Variants in DCST1 observed in about 807,000 individuals in gnomAD.
DCST1 encodes DC-STAMP domain containing 1, also known as E3 ubiquitin-protein ligase DCST1.
Under a neutral mutation model 89.1 loss-of-function variants are expected in DCST1, and 78 were observed. The observed-to-expected ratio is 0.88, with a 90% confidence interval of 0.73 to 1.06. The LOEUF is 1.06. DCST1 is among the 50% of genes least tolerant of loss of function. The pLI is 0.00. For missense variants in DCST1, 900 were observed against 928.6 expected (o/e 0.97, Z 0.40); for synonymous variants, 364 against 371.9 (o/e 0.98, Z 0.24).
intron 16 of DCST1, 58 bp downstream of exon 16, chr1:155,048,228 A>C (rs1283000143): frequency 2.1e-6 from 3 of 1,412,604 alleles, no homozygotes; most frequent in Non-Finnish European, 3.0e-6. Flanking sequence ...TACAGCAGGC[A>C]AGGGGCAGCT....
chr1:155,048,161 G>A lies in DCST1; in HGVS notation c.1860G>A (p.Gln620=). 2 of 1,613,876 alleles carry A rather than the reference G, an allele frequency of 1.2e-6. No individual in the cohort carries two copies. Among genetic ancestry groups the A allele is most frequent in the South Asian group, 1.1e-5 (1 of 91,052 alleles). Residue 620 remains glutamine, a synonymous_variant, in exon 16 of 17, where the codon CAG becomes CAA. Transcript: ENST00000295542. ...RAAILRRERQ[Q]KAPRHPLADI... ...CTATCCTGAGGCGGGAGCGACAGCA[G>A]AAGGCTCCGGTAAGTCCAGGCGTAA...
intron 16 of DCST1, chr1:155,048,876 G>A (rs1660751663): frequency 4.8e-6 from 3 of 622,264 alleles, no homozygotes; most frequent in South Asian, 3.8e-5. Flanking sequence ...GACAGGAGGA[G>A]GCAGGTGGGC....
Position 155,042,808 on chromosome 1 carries a change from G to C in DCST1, c.966G>C (p.Gln322His), listed in dbSNP as rs754218298. The change falls in exon 9 of 17, where the codon CAG (glutamine) becomes CAC (histidine). Residue 322 changes from glutamine (Q) to histidine (H), a missense_variant. Gln to His is a conservative substitution (Grantham distance 24). Transcript: ENST00000295542. ...NFGQTYDSLN[Q>H]SIRGLDGEFS... ...GGCAGACCTACGACTCCCTCAACCA[G>C]TCTATTCGTGGCCTGGATGGGGAAT... 144 of 1,614,100 alleles carry C rather than the reference G, an allele frequency of 8.9e-5. No homozygotes were observed. Among genetic ancestry groups the C allele is most frequent in the Admixed American group, 3.7e-4 (22 of 60,012 alleles).
intron 16 of DCST1, 113 bp downstream of exon 16, chr1:155,048,283 G>C: frequency 1.2e-6 from 1 of 808,722 alleles, no homozygotes; most frequent in South Asian, 1.5e-5. Flanking sequence ...AGGCCTACTC[G>C]AGCCTGGTAA....
intron 15 of DCST1, 26 bp downstream of exon 15, chr1:155,047,955 C>T: frequency 6.2e-7 from 1 of 1,613,834 alleles, no homozygotes; most frequent in Admixed American, 1.7e-5. Context: ...GACCTCTCCA[C>T]CCCTACACAC....
chr1:155,046,799 TTTCACCATG>T (rs1291899794), intron 13 of DCST1, among the ~76,000 whole-genome samples: 4 of 151,846 alleles, frequency 2.6e-5, no homozygotes, highest in African/African-American at 9.7e-5. Context: ...AGAGACAGAG[TTTCACCATG>T]TTGGTCAGGC....
intron 4 of DCST1, among the ~76,000 whole-genome samples, chr1:155,037,139 A>G (rs1026940463): frequency 1.1e-4 from 17 of 152,132 alleles, no homozygotes; most frequent in African/African-American, 3.9e-4. Flanking sequence ...TTGTGTGCCA[A>G]CATCGTCCAG....
chr1:155,041,209 T>TG (rs979756004), intron 6 of DCST1, among the ~76,000 whole-genome samples, 188 bp from the exon 7 acceptor site: 8 of 151,458 alleles, frequency 5.3e-5, no homozygotes, highest in Admixed American at 1.3e-4. Flanking sequence ...AGGCAGCTGG[T>TG]GGGGGGGCTC....
At chr1:155,042,589 G>C in intron 8 of DCST1, 146 bp from the exon 9 acceptor site, 1 of 1,057,858 alleles carries the variant, frequency 9.5e-7, no homozygotes, top group East Asian at 2.5e-5. Flanking sequence ...AGCAGAGAGG[G>C]GAAGACTCAG....
At chr1:155,035,489 G>A (rs932729890) in intron 4 of DCST1, among the ~76,000 whole-genome samples, 2 of 152,128 alleles carry the variant, frequency 1.3e-5, no homozygotes, top group African/African-American at 4.8e-5. Flanking sequence ...CAGCTCAGTA[G>A]CTTCGAGAAG....
chr1:155,034,567 G>A lies in DCST1; in HGVS notation c.187+7G>A. The A allele has an allele frequency of 6.2e-7, 1 of 1,613,928 alleles. No individual in the cohort carries two copies. On this transcript the variant is annotated splice_region_variant and intron_variant, in intron 3 of 16. Transcript: ENST00000295542. ...GGGGGGCTCCTGGCCATAGGTGAGT[G>A]TGGAAGCAGAAAGTTCGGGGTGGGC... is the stretch of plus-strand genomic sequence containing the variant.
At position 155,046,231 on chromosome 1, in the gene DCST1, C is replaced by A. The variant is rs1660620498; in HGVS notation, c.1368+11C>A. 1.9e-6 allele frequency: 3 copies of A among 1,614,072 alleles called. No individual in the cohort carries two copies. The highest frequency in any genetic ancestry group is 1.7e-5 in the Admixed American group (1 of 60,004). On this transcript the variant is annotated intron_variant, in intron 12 of 16. Coordinates refer to ENST00000295542, the MANE Select transcript of DCST1 (RefSeq NM_152494.4). The stretch of plus-strand genomic sequence containing the variant: ...GAAATGAGCAATGTGGTGAGGACAG[C>A]ATGGGGAGCGGACTCCTGGGTGCAA...
rs763149093 is a variant in DCST1, at chr1:155,047,948, C to T, written c.1755+19C>T. 2 of 1,613,886 alleles carry T rather than the reference C, an allele frequency of 1.2e-6. No individual in the cohort carries two copies. Among genetic ancestry groups the T allele is most frequent in the Non-Finnish European group, 1.7e-6 (2 of 1,179,918 alleles). On this transcript the variant is annotated intron_variant, in intron 15 of 16. Transcript: ENST00000295542. ...CCCCAAGGTTTGCCCCTCCCCAGAC[C>T]TCTCCACCCCTACACACCTGCACAC...
At position 155,046,456 on chromosome 1, in the gene DCST1, C is replaced by T; in HGVS notation, c.1465C>T (p.His489Tyr). ...CTACTCCATCTTCGACACCATCCGC[C>T]ACCACTCCTTCCTGCAGTACTCCTT... The part of the protein sequence containing the change: ...ALYSIFDTIR[H>Y]HSFLQYSFRS... Residue 489 changes from histidine to tyrosine, a missense_variant, in exon 13 of 17, where the codon CAC (histidine) becomes TAC (tyrosine). Coordinates refer to ENST00000295542, the MANE Select transcript of DCST1 (RefSeq NM_152494.4). The T allele has an allele frequency of 6.2e-7, 1 of 1,614,094 alleles. No individual in the cohort carries two copies. Among genetic ancestry groups the T allele is most frequent in the East Asian group, 2.2e-5 (1 of 44,886 alleles).
chr1:155,042,815 C>G lies in DCST1; in HGVS notation c.973C>G (p.Arg325Gly), dbSNP rs748373788. 6.2e-7 allele frequency: 1 copy of G among 1,614,152 alleles called. No homozygotes were observed. The highest frequency in any genetic ancestry group is 2.2e-5 in the East Asian group (1 of 44,878). The change falls in exon 9 of 17, where the codon CGT becomes GGT. Residue 325 changes from arginine to glycine, a missense_variant. Physicochemically the swap from Arg to Gly is moderately radical, Grantham distance 125. Coordinates refer to ENST00000295542, the MANE Select transcript of DCST1 (RefSeq NM_152494.4). ...QTYDSLNQSI[R>G]GLDGEFSANI... ...CTACGACTCCCTCAACCAGTCTATT[C>G]GTGGCCTGGATGGGGAATTTTCAGC...
In DCST1 at chr1:155,047,311, G is replaced by A; in HGVS notation, c.1611G>A (p.Met537Ile). The change falls in exon 14 of 17, where the codon ATG becomes ATA. Residue 537 changes from methionine (M) to isoleucine (I), a missense_variant and splice_region_variant. By Grantham distance (10) the Met-to-Ile change is conservative (BLOSUM62 1). Coordinates refer to ENST00000295542, the MANE Select transcript of DCST1 (RefSeq NM_152494.4). ...AGACAGTGATGGAATCAAACAACAT[G>A]CGTGAGTGATGCTGAAAGTTTGGAT... Reference protein sequence around the residue: ...SSETVMESNNMPCLPQPVGLD... With the variant: ...SSETVMESNNIPCLPQPVGLD... The A allele has an allele frequency of 6.2e-7, 1 of 1,610,078 alleles. No homozygotes were observed. The highest frequency in any genetic ancestry group is 8.5e-7 in the Non-Finnish European group (1 of 1,176,560).
chr1:155,050,585 C>T (rs1158169746), intron 16 of DCST1, 32 bp from the exon 17 acceptor site: 1 of 1,545,134 alleles, frequency 6.5e-7, no homozygotes, highest in South Asian at 1.2e-5. Context: ...CGCCTCGCTC[C>T]CGGGCTGGCG....
intron 4 of DCST1, among the ~76,000 whole-genome samples, chr1:155,035,806 T>C (rs1355753629): frequency 1.3e-5 from 2 of 151,958 alleles, no homozygotes; most frequent in African/African-American, 4.8e-5. Flanking sequence ...GGTGCACACC[T>C]GTAGTCCCAG....
chr1:155,042,028 T>C (rs1660454675), intron 8 of DCST1, among the ~76,000 whole-genome samples, 171 bp downstream of exon 8: 1 of 152,206 alleles, frequency 6.6e-6, no homozygotes, highest in African/African-American at 2.4e-5. Context: ...CAGGGTGAGT[T>C]ACAGCAAAGC....
Sources: gnomAD v4.1 joint callset for allele counts (sites outside exome capture counted in the v4.1 genomes callset) on GRCh38, gnomAD v4.1.1 for gene constraint, MANE v1.5 for transcripts, NCBI Gene and HGNC (gene_info 2026-07-23, HGNC 2026-07-21) for gene names.